The following SLC35F5 variants were observed in gnomAD, a reference collection of about 807,000 sequenced individuals.
The protein encoded by SLC35F5 is solute carrier family 35 member F5.
Under a neutral mutation model 68.6 loss-of-function variants are expected in SLC35F5, and 54 were observed. The ratio of observed to expected loss-of-function variants is 0.79; its 90% CI spans 0.63 to 0.99. SLC35F5 has a LOEUF of 0.99. Among genes scored for constraint, SLC35F5 ranks in the 50% least tolerant of loss-of-function variants. The probability of loss-of-function intolerance (pLI) is 0.00; values close to 1 mark genes in which losing one functional copy is unlikely to be tolerated. For missense variants in SLC35F5, 567 were observed against 626.9 expected, an observed-to-expected ratio of 0.90 and a Z score of 1.02; for synonymous variants, 211 against 205.2, an observed-to-expected ratio of 1.03 and a Z score of -0.24.
At position 113,708,457 on chromosome 2, in the gene SLC35F5, C is replaced by A. The variant is rs1442201233; in HGVS notation, c.*6761G>T. On this transcript the variant is annotated 3_prime_UTR_variant, in exon 16 of 16. Coordinates refer to ENST00000245680, the MANE Select transcript of SLC35F5 (RefSeq NM_025181.5). ...CAGTGGCTCACACCCGTAATCCCAG[C>A]ACTTTGGGAGGCCGAGGCGTGTAGA... 6.6e-6 allele frequency among the ~76,000 whole-genome samples: 1 copy of A among 152,150 alleles called. No homozygotes were observed. The highest frequency in any genetic ancestry group is 2.4e-5 in the African/African-American group (1 of 41,436).
downstream of SLC35F5, among the ~76,000 whole-genome samples, chr2:113,703,168 C>A (rs1048172972): frequency 6.6e-6 from 1 of 151,510 alleles, no homozygotes; most frequent in African/African-American, 2.4e-5. Flanking sequence ...CTCTTTCTCT[C>A]TCTCTCTCTC....
rs145002387 is a variant in SLC35F5, at chr2:113,719,327, G to A, written c.1342-19C>T. ...ACTGCACCTAAAAATAAAAGATAGA[G>A]GAAAAAACACACCCACAATTATCAT... On this transcript the variant is annotated intron_variant, in intron 13 of 15. Transcript: ENST00000245680. The A allele has an allele frequency of 2.1e-4, 320 of 1,526,116 alleles. No individual in the cohort carries two copies. The African/African-American group carries it at 3.9e-3, about 19-fold the overall frequency. The allele number at this position is 1,526,116 out of a possible 1,614,324, so 94.5% of individuals were successfully genotyped here.
At chr2:113,727,660 C>T (rs1687716978) in intron 11 of SLC35F5, among the ~76,000 whole-genome samples, 1 of 152,132 alleles carries the variant, frequency 6.6e-6, no homozygotes, top group Admixed American at 6.6e-5. Context: ...CTCACTGCTC[C>T]CTGTTAAGCC....
At chr2:113,756,209 C>T in intron 1 of SLC35F5, 161 bp downstream of exon 1, 2 of 1,500,822 alleles carry the variant, frequency 1.3e-6, no homozygotes, top group Non-Finnish European at 1.8e-6. Context: ...GCGCAGGGCT[C>T]CGGCGCCCCT....
intron 4 of SLC35F5, among the ~76,000 whole-genome samples, chr2:113,748,459 A>C (rs577436876): frequency 6.6e-6 from 1 of 152,284 alleles, no homozygotes; most frequent in South Asian, 2.1e-4. Context: ...GAGATACCGC[A>C]CCAGGCCCAA....
At chr2:113,736,725 A>C (rs940899656) in intron 7 of SLC35F5, among the ~76,000 whole-genome samples, 3 of 152,188 alleles carry the variant, frequency 2.0e-5, no homozygotes, top group Non-Finnish European at 4.4e-5. Flanking sequence ...CAGTTTGGAA[A>C]CACAACCCAA....
chr2:113,710,269 A>G lies in SLC35F5; in HGVS notation c.*4949T>C, dbSNP rs1459711640. On this transcript the variant is annotated 3_prime_UTR_variant, in exon 16 of 16. Coordinates refer to ENST00000245680, the MANE Select transcript of SLC35F5 (RefSeq NM_025181.5). ...TAACACTATGCTACTACAAAGGGCA[A>G]AATAATTCACTTTATTGTACTTTAT... Among the ~76,000 whole-genome samples the G allele has an allele frequency of 2.0e-5, 3 of 152,234 alleles. No individual in the cohort carries two copies. The highest frequency in any genetic ancestry group is 2.9e-5 in the Non-Finnish European group (2 of 68,046).
chr2:113,751,509 TA>T (rs1350399298), intron 3 of SLC35F5, among the ~76,000 whole-genome samples: 1 of 152,168 alleles, frequency 6.6e-6, no homozygotes, highest in Non-Finnish European at 1.5e-5. Context: ...CATTTTACAC[TA>T]AAAGAAACAA....
At chr2:113,748,551 T>C (rs1676606201) in intron 4 of SLC35F5, among the ~76,000 whole-genome samples, 1 of 152,222 alleles carries the variant, frequency 6.6e-6, no homozygotes, top group African/African-American at 2.4e-5. Flanking sequence ...TGGTTATTCC[T>C]TGAATGGTAG....
chr2:113,750,719 T>C (rs2104483916), intron 3 of SLC35F5, 151 bp from the exon 4 acceptor site: 1 of 635,128 alleles, frequency 1.6e-6, no homozygotes, highest in Non-Finnish European at 2.5e-6. Context: ...TTTAGATCCA[T>C]TTCTGAAGAC....
downstream of SLC35F5, among the ~76,000 whole-genome samples, chr2:113,706,485 G>T (rs1268589241): frequency 6.6e-6 from 1 of 152,170 alleles, no homozygotes; most frequent in African/African-American, 2.4e-5. Context: ...TGGAGGAAAA[G>T]TTCAATGGAA....
intron 4 of SLC35F5, among the ~76,000 whole-genome samples, chr2:113,747,286 CA>C (rs35423114): frequency 1.7e-4 from 24 of 141,762 alleles, no homozygotes; most frequent in South Asian, 8.9e-4. Context: ...GATTCCGTCT[CA>C]AAAAAAAAAA....
intron 10 of SLC35F5, among the ~76,000 whole-genome samples, chr2:113,730,847 G>A (rs1489714667): frequency 2.0e-5 from 3 of 152,276 alleles, no homozygotes; most frequent in East Asian, 1.9e-4. Flanking sequence ...GGCAATATTC[G>A]TGGGTGAAGA....
intron 1 of SLC35F5, chr2:113,755,890 G>A (rs1676964761): frequency 6.4e-7 from 1 of 1,550,630 alleles, no homozygotes; most frequent in Non-Finnish European, 8.7e-7. Flanking sequence ...TGGGGACAGC[G>A]TCTAGACACT....
At position 113,707,061 on chromosome 2, in the gene SLC35F5, A is replaced by G. The variant is rs1686818057; in HGVS notation, c.*8157T>C. Among the ~76,000 whole-genome samples the G allele has an allele frequency of 1.3e-5, 2 of 152,194 alleles. No individual in the cohort carries two copies. Among genetic ancestry groups the G allele is most frequent in the African/African-American group, 4.8e-5 (2 of 41,450 alleles). ...ATTTTAAATACTCTAGAATCTGAAA[A>G]TATTAAATATTAAATAGATGGAGGG... On this transcript the variant is annotated 3_prime_UTR_variant, in exon 16 of 16. Transcript: ENST00000245680.
rs1396594522 is a variant in SLC35F5 at position 113,709,694 on chromosome 2, A to T, written c.*5524T>A. Among the ~76,000 whole-genome samples the T allele has an allele frequency of 6.6e-6, 1 of 152,202 alleles. No individual in the cohort carries two copies. Among genetic ancestry groups the T allele is most frequent in the Non-Finnish European group, 1.5e-5 (1 of 68,038 alleles). On this transcript the variant is annotated 3_prime_UTR_variant, in exon 16 of 16. Transcript: ENST00000245680. ...ATAATCTGCAAAGTGTGGTCCTGGG[A>T]CCAGCAGCTGGGGCATTACCTGGAC... is the stretch of plus-strand genomic sequence containing the variant.
intron 11 of SLC35F5, 136 bp downstream of exon 11, chr2:113,729,265 T>A: frequency 1.8e-6 from 1 of 547,742 alleles, no homozygotes; most frequent in Non-Finnish European, 3.2e-6. Flanking sequence ...GGGACTGGCC[T>A]TCATAATCTT....
chr2:113,729,376 C>G (rs772650679), intron 11 of SLC35F5, 25 bp downstream of exon 11: 2 of 1,197,714 alleles, frequency 1.7e-6, no homozygotes, highest in Admixed American at 4.4e-5. Flanking sequence ...GAGTAAATAG[C>G]CTCCCAAGTT....
In SLC35F5 at chr2:113,717,856, G is replaced by GAAAAAAAAAAA; in HGVS notation, c.1497-7_1497-6insTTTTTTTTTTT. 1 of 1,434,010 alleles carries GAAAAAAAAAAA rather than the reference G, an allele frequency of 7.0e-7. No individual in the cohort carries two copies. Among genetic ancestry groups the GAAAAAAAAAAA allele is most frequent in the Non-Finnish European group, 9.4e-7 (1 of 1,064,220 alleles). The allele number at this position is 1,434,010 out of a possible 1,614,324, so 88.8% of individuals were successfully genotyped here. On this transcript the variant is annotated splice_polypyrimidine_tract_variant and splice_region_variant and intron_variant, in intron 14 of 15. Coordinates refer to ENST00000245680, the MANE Select transcript of SLC35F5 (RefSeq NM_025181.5). ...GTTCGCTGTCTTCTGGAACTCTTAA[G>GAAAAAAAAAAA]AAAAAAAAAAGCAGTAATTAAGGAA...
Sources: allele counts gnomAD v4.1 joint callset (sites outside exome capture counted in the v4.1 genomes callset), GRCh38; gene constraint gnomAD v4.1.1; transcripts MANE v1.5; gene names NCBI Gene and HGNC (gene_info 2026-07-23, HGNC 2026-07-21).